Variants in TMEM132D observed in about 807,000 individuals in gnomAD.
TMEM132D encodes transmembrane protein 132D.
Under a neutral mutation model 62.3 loss-of-function variants are expected in TMEM132D, and 21 were observed. That is an observed-to-expected ratio of 0.34 (90% CI 0.24 to 0.49). The LOEUF is 0.49. TMEM132D is among the 20% of genes least tolerant of loss of function. TMEM132D has a pLI of 0.99. For missense variants in TMEM132D, 1,346 were observed against 1,402.8 expected, an observed-to-expected ratio of 0.96 and a Z score of 0.65; for synonymous variants, 621 against 575.6, an observed-to-expected ratio of 1.08 and a Z score of -1.13.
chr12:129,846,988 A>G (rs1038729097), intron 1 of TMEM132D, among the ~76,000 whole-genome samples: 10 of 152,176 alleles, frequency 6.6e-5, no homozygotes, highest in Non-Finnish European at 1.5e-4. Flanking sequence ...ACACCAGACA[A>G]TGTATTACAA....
At chr12:129,899,224 GAT>G (rs1875250588) in intron 1 of TMEM132D, among the ~76,000 whole-genome samples, 1 of 148,996 alleles carries the variant, frequency 6.7e-6, no homozygotes, top group Admixed American at 6.7e-5. Context: ...CAGACAGACA[GAT>G]GGAAGGATGG....
At chr12:129,676,168 G>T (rs758997582) in intron 2 of TMEM132D, among the ~76,000 whole-genome samples, 1 of 152,144 alleles carries the variant, frequency 6.6e-6, no homozygotes, top group East Asian at 1.9e-4. Context: ...TGAATTTCAG[G>T]CAGTGTTAAG....
intron 5 of TMEM132D, among the ~76,000 whole-genome samples, chr12:129,172,527 C>G (rs1112146): frequency 0.75 from 114,597 of 152,172 alleles, 44,127 homozygotes; most frequent in Non-Finnish European, 0.84. Flanking sequence ...TTTAAAGTGA[C>G]AGACTCTTCC....
At chr12:129,386,696 A>ACCAATG (rs563915501) in intron 3 of TMEM132D, among the ~76,000 whole-genome samples, 3 of 151,056 alleles carry the variant, frequency 2.0e-5, no homozygotes, top group African/African-American at 4.9e-5. Flanking sequence ...TAACACTAAT[A>ACCAATG]CCAATGCCAA....
intron 2 of TMEM132D, among the ~76,000 whole-genome samples, chr12:129,693,942 A>T (rs548152882): frequency 1.3e-5 from 2 of 152,288 alleles, no homozygotes; most frequent in South Asian, 4.1e-4. Context: ...CTCATGAATC[A>T]TCATGTAAGG....
intron 1 of TMEM132D, among the ~76,000 whole-genome samples, chr12:129,748,649 G>C (rs961093325): frequency 3.3e-5 from 5 of 152,194 alleles, no homozygotes; most frequent in African/African-American, 1.2e-4. Flanking sequence ...GATCCCGATG[G>C]AGGAAAAACA....
chr12:129,867,629 G>A lies in TMEM132D; in HGVS notation c.79+35632C>T, dbSNP rs1874100442. Among the ~76,000 whole-genome samples, 1 of 152,158 alleles carries A rather than the reference G, an allele frequency of 6.6e-6. No homozygotes were observed. Among genetic ancestry groups the A allele is most frequent in the South Asian group, 2.1e-4 (1 of 4,834 alleles). ...TCATAAAAAGAGAAAGTAAAACAAA[G>A]AAAACCGTCACTGTAGAAAGGGATA... On this transcript the variant is annotated intron_variant, in intron 1 of 8. Coordinates refer to ENST00000422113, the MANE Select transcript of TMEM132D (RefSeq NM_133448.3). This position sits in a 1 kb window ranked among gnomAD's most constrained non-coding sequence, Gnocchi z 4.5.
intron 2 of TMEM132D, among the ~76,000 whole-genome samples, chr12:129,558,360 G>C (rs1027943153): frequency 2.6e-5 from 4 of 152,162 alleles, no homozygotes; most frequent in Non-Finnish European, 5.9e-5. Context: ...ATTCCTATGG[G>C]TTTCATCTGG....
At chr12:129,488,551 G>A (rs919973083) in intron 3 of TMEM132D, among the ~76,000 whole-genome samples, 4 of 152,132 alleles carry the variant, frequency 2.6e-5, no homozygotes, top group Non-Finnish European at 5.9e-5. Context: ...GCATATGCCT[G>A]TAATCCTGGC....
chr12:129,728,744 C>T (rs756720581), intron 1 of TMEM132D, among the ~76,000 whole-genome samples: 3 of 152,260 alleles, frequency 2.0e-5, no homozygotes, highest in Admixed American at 6.5e-5. Flanking sequence ...TCTGTAGTTG[C>T]GAAGAGGGAG....
In TMEM132D at chr12:129,523,222, T is replaced by C. The variant is rs534692274; in HGVS notation, c.1115+7837A>G. On this transcript the variant is annotated intron_variant, in intron 3 of 8. Transcript: ENST00000422113. Reference sequence around the variant, plus strand: ...CTACATGGAATGTCATGTGTCACTTTAGATATTTCTGCCACTGCAGGTGTT... The same window carrying C: ...CTACATGGAATGTCATGTGTCACTTCAGATATTTCTGCCACTGCAGGTGTT... 3.3e-5 allele frequency among the ~76,000 whole-genome samples: 5 copies of C among 152,334 alleles called. No individual in the cohort carries two copies. The South Asian group carries it at 8.3e-4, about 25-fold the overall frequency.
intron 5 of TMEM132D, among the ~76,000 whole-genome samples, chr12:129,088,449 CGGGTGTCCTCCATGACCG>C (rs1874745873): frequency 4.7e-5 from 2 of 42,502 alleles, no homozygotes; most frequent in African/African-American, 3.6e-4. Flanking sequence ...CCTCCATGAC[CGGGTGTCCTCCATGACCG>C]GGGTGTCCTC....
chr12:129,270,430 A>G (rs573090662), intron 4 of TMEM132D, among the ~76,000 whole-genome samples: 1 of 152,324 alleles, frequency 6.6e-6, no homozygotes, highest in South Asian at 2.1e-4. Context: ...AGATGACTGT[A>G]TCGTTATACA....
intron 2 of TMEM132D, among the ~76,000 whole-genome samples, chr12:129,540,229 C>T (rs1566103693): frequency 6.6e-6 from 1 of 152,134 alleles, no homozygotes; most frequent in Non-Finnish European, 1.5e-5. Flanking sequence ...GGCATTCCTA[C>T]AGGTGCTAGC....
At chr12:129,225,980 G>A (rs992826447) in intron 4 of TMEM132D, among the ~76,000 whole-genome samples, 1 of 152,136 alleles carries the variant, frequency 6.6e-6, no homozygotes, top group African/African-American at 2.4e-5. Flanking sequence ...AACTCCACTT[G>A]GTGCTCAGCC....
At chr12:129,713,890 G>T (rs1486240715) in intron 1 of TMEM132D, among the ~76,000 whole-genome samples, 4 of 152,208 alleles carry the variant, frequency 2.6e-5, no homozygotes, top group Admixed American at 2.6e-4. Flanking sequence ...GCTGGTCCAG[G>T]GACCCTGCTT....
chr12:129,513,956 G>GC (rs2137075960), intron 3 of TMEM132D, among the ~76,000 whole-genome samples: 1 of 151,292 alleles, frequency 6.6e-6, no homozygotes, highest in African/African-American at 2.4e-5. Flanking sequence ...TCCTGCCTCA[G>GC]CCTCCCGAGT....
At chr12:129,432,267 ATGGATGGATCAATGGATGGATGCT>A (rs1472536027) in intron 3 of TMEM132D, among the ~76,000 whole-genome samples, 2 of 133,932 alleles carry the variant, frequency 1.5e-5, no homozygotes, top group African/African-American at 5.8e-5. Flanking sequence ...GGATGGAAGG[ATGGATGGATCAATGGATGGATGCT>A]TGGATGGATG....
intron 4 of TMEM132D, among the ~76,000 whole-genome samples, chr12:129,214,353 C>G (rs377339942): frequency 6.6e-6 from 1 of 152,110 alleles, no homozygotes; most frequent in South Asian, 2.1e-4. Flanking sequence ...GTCATTTATT[C>G]ATGTTGACCT....
Sources: allele counts gnomAD v4.1 joint callset (sites outside exome capture counted in the v4.1 genomes callset), GRCh38; gene constraint gnomAD v4.1.1; non-coding constraint Gnocchi (gnomAD v3.1); transcripts MANE v1.5; gene names NCBI Gene and HGNC (gene_info 2026-07-23, HGNC 2026-07-21).